The following RXRA variants were observed in gnomAD, a reference collection of about 807,000 sequenced individuals.
RXRA encodes the protein retinoic acid receptor RXR-alpha.
A neutral mutation model predicts 44.5 loss-of-function variants in RXRA; 5 were observed. The observed-to-expected ratio is 0.11, with a 90% CI of 0.06 to 0.24. The LOEUF (loss-of-function observed/expected upper bound fraction) is 0.24, where lower values mean the gene tolerates loss of function less well. Ranked by LOEUF, RXRA falls within the 10% of genes least tolerant of loss-of-function variation. RXRA has a pLI of 1.00. For synonymous variants in RXRA, 291 were observed against 271.4 expected, an observed-to-expected ratio of 1.07 and a Z score of -0.71; for missense variants, 412 against 646.5, an observed-to-expected ratio of 0.64 and a Z score of 3.93.
intron 6 of RXRA, chr9:134,423,663 CTGAGGCA>C: frequency 1.0e-6 from 1 of 985,494 alleles, no homozygotes; most frequent in South Asian, 4.7e-5. Flanking sequence ...CCCTCTGGGC[CTGAGGCA>C]TGTGGCTGTC....
chr9:134,354,518 G>A (rs1554749840), intron 1 of RXRA, among the ~76,000 whole-genome samples: 4 of 152,210 alleles, frequency 2.6e-5, no homozygotes, highest in Non-Finnish European at 5.9e-5. Flanking sequence ...TTGAAGATGA[G>A]GAGCTTTTAA....
chr9:134,384,603 G>A (rs1255658215), intron 1 of RXRA, among the ~76,000 whole-genome samples: 5 of 152,124 alleles, frequency 3.3e-5, no homozygotes, highest in East Asian at 1.9e-4. Flanking sequence ...GGTGAGCAGC[G>A]TGTGGACCCA....
In RXRA at chr9:134,406,233, GA is replaced by G. The variant is rs560898225; in HGVS notation, c.280-1904del. The G allele has an allele frequency of 7.8e-3, 1,123 of 143,318 alleles. 8 individuals carry two copies. The highest frequency in any genetic ancestry group is 0.02 in the African/African-American group (791 of 39,036). 8.9% of individuals were successfully genotyped at this position (143,318 alleles called of 1,614,324 possible). A position where few individuals can be genotyped will look rare whatever the true frequency, so the allele number is the denominator to read the frequency against. On this transcript the variant is annotated intron_variant, in intron 2 of 9. Coordinates refer to ENST00000481739, the MANE Select transcript of RXRA (RefSeq NM_002957.6). ...CAACATAGTTGAGACCCCACCACTA[GA>G]AAAAAAAAAAATAGCTGAGTGCAGT...
chr9:134,390,664 G>A (rs915843974), intron 1 of RXRA, among the ~76,000 whole-genome samples: 2 of 152,196 alleles, frequency 1.3e-5, no homozygotes, highest in Admixed American at 6.5e-5. Context: ...GTTGAGCTCC[G>A]CCGCAGCCCT....
chr9:134,344,119 C>T (rs1554748430), intron 1 of RXRA, among the ~76,000 whole-genome samples: 1 of 152,202 alleles, frequency 6.6e-6, no homozygotes, highest in East Asian at 1.9e-4. Context: ...GGCCTGAGTC[C>T]AGCGTTCCCT....
intron 6 of RXRA, chr9:134,423,847 G>A: frequency 1.0e-6 from 1 of 985,456 alleles, no homozygotes; most frequent in Non-Finnish European, 1.2e-6. Context: ...GATAGCCAAG[G>A]CTTTTGCTGA....
chr9:134,377,574 G>A (rs1042593278), intron 1 of RXRA, among the ~76,000 whole-genome samples: 3 of 152,176 alleles, frequency 2.0e-5, no homozygotes, highest in Non-Finnish European at 4.4e-5. Flanking sequence ...CCCAGCTCCC[G>A]CGACCCCTCG....
intron 1 of RXRA, among the ~76,000 whole-genome samples, chr9:134,328,726 G>A (rs1834954663): frequency 6.6e-6 from 1 of 152,202 alleles, no homozygotes; most frequent in Admixed American, 6.5e-5. Context: ...GGCCTGGCTT[G>A]TCTTGGCCCG....
intron 1 of RXRA, among the ~76,000 whole-genome samples, chr9:134,376,227 G>A (rs938463158): frequency 2.0e-5 from 3 of 152,136 alleles, no homozygotes; most frequent in Non-Finnish European, 2.9e-5. Flanking sequence ...ACCCTCAGCC[G>A]CGGGGCCTGC....
At chr9:134,384,906 C>T (rs1337010300) in intron 1 of RXRA, among the ~76,000 whole-genome samples, 1 of 152,172 alleles carries the variant, frequency 6.6e-6, no homozygotes, top group Admixed American at 6.5e-5. Flanking sequence ...CGGGTGTGAG[C>T]ATGTGGGGGT....
intron 1 of RXRA, among the ~76,000 whole-genome samples, chr9:134,330,283 G>A (rs1834982598): frequency 6.6e-6 from 1 of 152,222 alleles, no homozygotes; most frequent in African/African-American, 2.4e-5. Context: ...TGCCAGGCTT[G>A]AGTTTGTGTT....
chr9:134,362,472 C>T (rs1011009773), intron 1 of RXRA, among the ~76,000 whole-genome samples: 4 of 152,224 alleles, frequency 2.6e-5, no homozygotes, highest in African/African-American at 9.6e-5. Flanking sequence ...GGTTTGGCTT[C>T]CCCAGCTCCC....
chr9:134,329,814 G>A (rs1834975363), intron 1 of RXRA, among the ~76,000 whole-genome samples: 1 of 151,552 alleles, frequency 6.6e-6, no homozygotes, highest in African/African-American at 2.5e-5. Context: ...GGAGGTCGCT[G>A]TCAGTGGTCT....
At chr9:134,384,575 G>A (rs981791682) in intron 1 of RXRA, among the ~76,000 whole-genome samples, 1 of 152,282 alleles carries the variant, frequency 6.6e-6, no homozygotes, top group East Asian at 1.9e-4. Flanking sequence ...CCCTCAGCCG[G>A]TGGAGCTGTG....
intron 1 of RXRA, among the ~76,000 whole-genome samples, chr9:134,330,703 G>A (rs556553307): frequency 6.6e-6 from 1 of 152,348 alleles, no homozygotes; most frequent in South Asian, 2.1e-4. Context: ...CCCAGGAAGA[G>A]GTTCTGACAG....
intron 1 of RXRA, among the ~76,000 whole-genome samples, chr9:134,359,539 C>T (rs961325192): frequency 2.0e-5 from 3 of 152,174 alleles, no homozygotes; most frequent in Non-Finnish European, 4.4e-5. Flanking sequence ...GTGGCTTTGC[C>T]TGCTTGGAGG....
chr9:134,431,811 G>C, intron 7 of RXRA, 94 bp from the exon 8 acceptor site: 1 of 963,992 alleles, frequency 1.0e-6, no homozygotes, highest in Non-Finnish European at 1.6e-6. Flanking sequence ...CTCGGGCCAC[G>C]CCGGGCTCTC....
In RXRA at chr9:134,436,978, T is replaced by TC. The variant is rs1564301826; in HGVS notation, c.*364_*365insC. The TC allele has an allele frequency of 1.3e-5, 3 of 236,310 alleles. No individual in the cohort carries two copies. The East Asian group carries it at 3.0e-4, about 23-fold the overall frequency. 14.6% of individuals were successfully genotyped at this position (236,310 alleles called of 1,614,324 possible). ...AGCTGCAGGAGTTGGGAACGGGGCTTTTGTTTCCGTTGCTGTTTATCGATG... is the reference window on the plus strand; with the variant it reads ...AGCTGCAGGAGTTGGGAACGGGGCTTCTTGTTTCCGTTGCTGTTTATCGATG... On this transcript the variant is annotated 3_prime_UTR_variant, in exon 10 of 10. Coordinates refer to ENST00000481739, the MANE Select transcript of RXRA (RefSeq NM_002957.6).
rs752091219 is a variant in RXRA at position 134,436,551 on chromosome 9, C to T, written c.1326C>T (p.Ile442=). The change falls in exon 10 of 10, where the codon ATC becomes ATT. Residue 442 remains isoleucine, a synonymous_variant. Transcript: ENST00000481739. The stretch of plus-strand genomic sequence containing the variant: ...AACATCTCTTCTTCTTCAAGCTCAT[C>T]GGGGACACACCCATTGACACCTTCC... ...CLEHLFFFKL[I]GDTPIDTFLM... The T allele has an allele frequency of 6.8e-6, 11 of 1,614,168 alleles. No individual in the cohort carries two copies. The highest frequency in any genetic ancestry group is 5.0e-5 in the Admixed American group (3 of 60,034).
Sources: allele counts gnomAD v4.1 joint callset (sites outside exome capture counted in the v4.1 genomes callset), GRCh38; gene constraint gnomAD v4.1.1; transcripts MANE v1.5; gene names NCBI Gene and HGNC (gene_info 2026-07-23, HGNC 2026-07-21).